NCKAP5: variants seen among roughly 807,000 people sequenced by gnomAD.
NCKAP5 encodes the protein NCK associated protein 5.
In NCKAP5, 92 loss-of-function variants were observed where a neutral mutation model predicts 167.0. That is an observed-to-expected ratio of 0.55 (90% CI 0.47 to 0.66). The LOEUF is 0.66. Among genes scored for constraint, NCKAP5 ranks in the 30% least tolerant of loss-of-function variants. The probability of loss-of-function intolerance (pLI) is 0.00; values close to 1 mark genes in which losing one functional copy is unlikely to be tolerated. For synonymous variants in NCKAP5, 891 were observed against 877.4 expected, an observed-to-expected ratio of 1.02 and a Z score of -0.27; for missense variants, 2,378 against 2,315.0, an observed-to-expected ratio of 1.03 and a Z score of -0.56.
chr2:133,054,147 T>C (rs2079707510), intron 6 of NCKAP5, among the ~76,000 whole-genome samples: 1 of 152,180 alleles, frequency 6.6e-6, no homozygotes, highest in Non-Finnish European at 1.5e-5. Flanking sequence ...GCAGGCGATA[T>C]CTAATTATAC....
the NCKAP5 span, among the ~76,000 whole-genome samples, chr2:133,602,214 A>G: frequency 6.6e-6 from 1 of 151,994 alleles, no homozygotes; most frequent in Non-Finnish European, 1.5e-5. Flanking sequence ...AGCTCAGGGG[A>G]GGTGGTGTTT....
intron 3 of NCKAP5, among the ~76,000 whole-genome samples, chr2:133,429,438 CAGT>C (rs1294031361): frequency 6.6e-6 from 1 of 152,054 alleles, no homozygotes. Context: ...AAAAGTTTTA[CAGT>C]CCTTCCCCCT....
intron 11 of NCKAP5, among the ~76,000 whole-genome samples, chr2:132,799,111 C>A (rs2105185845): frequency 6.6e-6 from 1 of 152,138 alleles, no homozygotes; most frequent in Admixed American, 6.6e-5. Context: ...ACGAATCCAG[C>A]TAGAGGAGGC....
Position 132,672,825 on chromosome 2 carries a change from G to T in NCKAP5, c.*464C>A. 1 of 368,994 alleles carries T rather than the reference G, an allele frequency of 2.7e-6. No individual in the cohort carries two copies. Among genetic ancestry groups the T allele is most frequent in the Non-Finnish European group, 3.8e-6 (1 of 266,316 alleles). The allele number at this position is 368,994 out of a possible 1,614,324, so 22.9% of individuals were successfully genotyped here. The stretch of plus-strand genomic sequence containing the variant: ...AGATGTGTTTACGCTTAATCCTCTT[G>T]AAACACAATAAATGGAGTCTATCTT... On this transcript the variant is annotated 3_prime_UTR_variant, in exon 20 of 20. Coordinates refer to ENST00000409261, the MANE Select transcript of NCKAP5 (RefSeq NM_207363.3).
chr2:132,880,153 A>G (rs1449132651), intron 8 of NCKAP5, among the ~76,000 whole-genome samples: 1 of 152,214 alleles, frequency 6.6e-6, no homozygotes, highest in African/African-American at 2.4e-5. Context: ...GATTTGGGGT[A>G]GGTGCGAGAG....
chr2:132,721,492 G>A (rs920262327), intron 19 of NCKAP5, among the ~76,000 whole-genome samples: 2 of 152,044 alleles, frequency 1.3e-5, no homozygotes, highest in African/African-American at 4.8e-5. Context: ...GGGGTGGGAC[G>A]GCCAATCTCC....
intron 6 of NCKAP5, among the ~76,000 whole-genome samples, chr2:133,044,920 T>C (rs2079339684): frequency 6.6e-6 from 1 of 152,022 alleles, no homozygotes; most frequent in Non-Finnish European, 1.5e-5. Flanking sequence ...CTGAGTGTGT[T>C]GGTGTACATC....
the NCKAP5 span, among the ~76,000 whole-genome samples, chr2:133,574,022 T>C: frequency 5.9e-5 from 9 of 152,154 alleles, no homozygotes; most frequent in African/African-American, 1.9e-4. Flanking sequence ...GCAATGAATT[T>C]TGTGTGCCCC....
intron 8 of NCKAP5, among the ~76,000 whole-genome samples, chr2:132,937,846 A>T (rs1433149926): frequency 1.3e-5 from 2 of 152,238 alleles, no homozygotes; most frequent in Non-Finnish European, 2.9e-5. Context: ...CTCTCTAGGG[A>T]GGAAAACAGC....
intron 5 of NCKAP5, among the ~76,000 whole-genome samples, chr2:133,197,131 C>T (rs1382914870): frequency 6.6e-6 from 1 of 152,088 alleles, no homozygotes; most frequent in Non-Finnish European, 1.5e-5. Context: ...TCCAATGAGG[C>T]TAAAAATGCC....
chr2:132,840,007 T>G (rs1281372700), intron 11 of NCKAP5, among the ~76,000 whole-genome samples: 1 of 152,164 alleles, frequency 6.6e-6, no homozygotes, highest in Non-Finnish European at 1.5e-5. Context: ...CAAGATGAAT[T>G]GTTTGTCTGA....
At chr2:132,941,634 T>C (rs958305407) in intron 8 of NCKAP5, among the ~76,000 whole-genome samples, 8 of 152,278 alleles carry the variant, frequency 5.3e-5, no homozygotes, top group African/African-American at 1.7e-4. Context: ...CCTGGTCTCA[T>C]GGCCTGAAAC....
chr2:132,876,337 A>G (rs10167257), intron 9 of NCKAP5, among the ~76,000 whole-genome samples: 10,332 of 152,122 alleles, frequency 0.068, 467 homozygotes, highest in Non-Finnish European at 0.1. Context: ...GGCTCAAGTA[A>G]TCCTCCTGCC....
chr2:132,972,385 T>C (rs2076860701), intron 7 of NCKAP5, among the ~76,000 whole-genome samples: 1 of 152,194 alleles, frequency 6.6e-6, no homozygotes, highest in Non-Finnish European at 1.5e-5. Context: ...GTTCTATGTT[T>C]GCAACAATGA....
intron 19 of NCKAP5, among the ~76,000 whole-genome samples, chr2:132,723,068 T>G (rs1322833150): frequency 1.3e-5 from 2 of 151,788 alleles, no homozygotes; most frequent in East Asian, 3.9e-4. Flanking sequence ...CTCAAGTTAT[T>G]CTCTTGCCTT....
At chr2:132,970,972 A>T (rs1435758428) in intron 7 of NCKAP5, among the ~76,000 whole-genome samples, 1 of 152,214 alleles carries the variant, frequency 6.6e-6, no homozygotes, top group Non-Finnish European at 1.5e-5. Context: ...AGGAGGACTC[A>T]ATCAATATTC....
chr2:132,983,319 C>T (rs2077195057), intron 7 of NCKAP5, among the ~76,000 whole-genome samples: 1 of 152,132 alleles, frequency 6.6e-6, no homozygotes. Context: ...TGCCTAATTG[C>T]TCTGGCAAGG....
At chr2:133,067,586 G>A (rs183857759) in intron 6 of NCKAP5, among the ~76,000 whole-genome samples, 68 of 152,212 alleles carry the variant, frequency 4.5e-4, no homozygotes, top group East Asian at 4.3e-3. Flanking sequence ...AAGCACCAGG[G>A]GATACTCCAA....
At chr2:133,030,040 G>A (rs569565188) in intron 6 of NCKAP5, among the ~76,000 whole-genome samples, 1 of 152,292 alleles carries the variant, frequency 6.6e-6, no homozygotes, top group East Asian at 1.9e-4. Context: ...TGTAGAAGCT[G>A]TTGGTCAAAA....
Sources: gnomAD v4.1 joint callset for allele counts (sites outside exome capture counted in the v4.1 genomes callset) on GRCh38, gnomAD v4.1.1 for gene constraint, MANE v1.5 for transcripts, NCBI Gene and HGNC (gene_info 2026-07-23, HGNC 2026-07-21) for gene names.